RASAL2: variants seen among roughly 807,000 people sequenced by gnomAD.
RASAL2 encodes the protein RAS protein activator like 2.
Under a neutral mutation model 128.9 loss-of-function variants are expected in RASAL2, and 58 were observed. That is an observed-to-expected ratio of 0.45 (90% CI 0.36 to 0.56). The LOEUF (loss-of-function observed/expected upper bound fraction) is 0.56. RASAL2 is among the 20% of genes least tolerant of loss of function. The pLI is 0.00. For synonymous variants in RASAL2, 561 were observed against 580.8 expected (o/e 0.97, Z 0.49); for missense variants, 1,360 against 1,601.6 (o/e 0.85, Z 2.57).
intron 14 of RASAL2, among the ~76,000 whole-genome samples, chr1:178,459,260 C>T (rs1225361203): frequency 6.6e-6 from 1 of 152,014 alleles, no homozygotes; most frequent in Admixed American, 6.6e-5. Flanking sequence ...CTAATCATTT[C>T]TTCCTTAAAT....
intron 1 of RASAL2, among the ~76,000 whole-genome samples, chr1:178,122,825 ATACT>A (rs1261528626): frequency 1.9e-5 from 2 of 105,116 alleles, no homozygotes; most frequent in Admixed American, 1.2e-4. Flanking sequence ...TGAATCTGTA[ATACT>A]TACTTTCCAT....
intron 1 of RASAL2, among the ~76,000 whole-genome samples, chr1:178,275,326 G>T (rs1176274632): frequency 6.6e-6 from 1 of 152,170 alleles, no homozygotes; most frequent in Non-Finnish European, 1.5e-5. Context: ...GACTATAGAG[G>T]CATGCCCTGA....
At chr1:178,357,806 C>T (rs1185555171) in intron 3 of RASAL2, among the ~76,000 whole-genome samples, 1 of 152,050 alleles carries the variant, frequency 6.6e-6, no homozygotes, top group Non-Finnish European at 1.5e-5. Flanking sequence ...TTACTCATAT[C>T]TCTCCATATT....
chr1:178,372,353 C>T (rs1571949363), intron 3 of RASAL2: 3 of 985,226 alleles, frequency 3.0e-6, no homozygotes, highest in Non-Finnish European at 3.6e-6. Flanking sequence ...TCTTTTAACC[C>T]TTTATTGTCT....
rs747104256 is a variant in RASAL2 at position 178,454,445 on chromosome 1, A to G, written c.2010-2A>G. 6.2e-7 allele frequency: 1 copy of G among 1,600,960 alleles called. No homozygotes were observed. On this transcript the variant is annotated splice_acceptor_variant, in intron 11 of 17. Transcript: ENST00000367649. LOFTEE classifies it high-confidence loss of function. ...TTCTCATTTTCTCATCCTCTACTTC[A>G]GGTTTGGTAACAAAGAGGAATACAT... is the stretch of plus-strand genomic sequence containing the variant.
intron 1 of RASAL2, among the ~76,000 whole-genome samples, chr1:178,161,132 TTAAA>T (rs1661276539): frequency 6.6e-6 from 1 of 152,028 alleles, no homozygotes; most frequent in African/African-American, 2.4e-5. Context: ...AAGGATATAG[TTAAA>T]TACAGTACTT....
At chr1:178,207,891 T>A (rs924305057) in intron 1 of RASAL2, among the ~76,000 whole-genome samples, 1 of 152,158 alleles carries the variant, frequency 6.6e-6, no homozygotes, top group Admixed American at 6.5e-5. Flanking sequence ...CACATTTTAG[T>A]CAAATCATGT....
rs199958161 is a variant in RASAL2, at chr1:178,412,974, CTTTCTTTCTT to C, written c.565-7525_565-7516del. 9.2e-5 allele frequency among the ~76,000 whole-genome samples: 14 copies of C among 151,948 alleles called. No individual in the cohort carries two copies. The East Asian group carries it at 1.9e-3, about 21-fold the overall frequency. On this transcript the variant is annotated intron_variant, in intron 4 of 17. Transcript: ENST00000367649. ...TCTTTCTCTTTCTTTTTCTTTCTTT[CTTTCTTTCTT>C]TTTCTTTCTTTCTCTTTCTTTCTTT...
Position 178,476,506 on chromosome 1 carries a change from C to T in RASAL2, c.*3267C>T, listed in dbSNP as rs978751170. 2 of 152,082 alleles carry T rather than the reference C, an allele frequency of 1.3e-5. No homozygotes were observed. The highest frequency in any genetic ancestry group is 2.4e-5 in the African/African-American group (1 of 41,400). 9.4% of individuals were successfully genotyped at this position (152,082 alleles called of 1,614,324 possible). A position where few individuals can be genotyped will look rare whatever the true frequency, so the allele number is the denominator to read the frequency against. The stretch of plus-strand genomic sequence containing the variant: ...ACTGTTGGGGTTTATGGCAGTCTAA[C>T]GGTAAGAAAAATGTGGTAAAATGAG... On this transcript the variant is annotated 3_prime_UTR_variant, in exon 18 of 18. Transcript: ENST00000367649.
At chr1:178,414,539 C>T (rs1268317691) in intron 4 of RASAL2, among the ~76,000 whole-genome samples, 1 of 151,990 alleles carries the variant, frequency 6.6e-6, no homozygotes, top group African/African-American at 2.4e-5. Context: ...GTGGGAGTGG[C>T]TATGCATGTG....
chr1:178,271,979 C>T (rs1413341486), intron 1 of RASAL2, among the ~76,000 whole-genome samples: 1 of 152,200 alleles, frequency 6.6e-6, no homozygotes, highest in Non-Finnish European at 1.5e-5. Flanking sequence ...TAATACATTT[C>T]CCTTCACCAC....
intron 4 of RASAL2, among the ~76,000 whole-genome samples, chr1:178,403,015 C>T (rs998864034): frequency 7.2e-5 from 11 of 152,012 alleles, no homozygotes; most frequent in Admixed American, 7.2e-4. Flanking sequence ...TCCTTAAAGC[C>T]ATCATCCTCA....
intron 1 of RASAL2, among the ~76,000 whole-genome samples, chr1:178,144,477 A>C (rs758522208): frequency 2.0e-5 from 3 of 152,216 alleles, no homozygotes; most frequent in Non-Finnish European, 4.4e-5. Context: ...AGCTTTATGA[A>C]AGAATAATTT....
intron 1 of RASAL2, among the ~76,000 whole-genome samples, chr1:178,235,468 GAGTTTA>G (rs1174038754): frequency 6.6e-6 from 1 of 152,142 alleles, no homozygotes; most frequent in East Asian, 1.9e-4. Context: ...AGCACATACA[GAGTTTA>G]AGTTTAAGGT....
At chr1:178,271,715 C>T (rs555980105) in intron 1 of RASAL2, among the ~76,000 whole-genome samples, 15 of 152,310 alleles carry the variant, frequency 9.8e-5, no homozygotes, top group African/African-American at 3.4e-4. Context: ...TGCAAATCAG[C>T]GGTGTCATTC....
intron 1 of RASAL2, among the ~76,000 whole-genome samples, chr1:178,205,081 T>C (rs1662994233): frequency 6.6e-6 from 1 of 152,198 alleles, no homozygotes; most frequent in African/African-American, 2.4e-5. Flanking sequence ...CTTGGCTCAG[T>C]GCAACCTCCA....
intron 1 of RASAL2, among the ~76,000 whole-genome samples, chr1:178,213,744 G>A (rs1663332818): frequency 6.6e-6 from 1 of 151,612 alleles, no homozygotes; most frequent in Non-Finnish European, 1.5e-5. Context: ...AGGTTCTTGG[G>A]GGAGTGGGGG....
chr1:178,436,087 T>G lies in RASAL2; in HGVS notation c.675-3335T>G, dbSNP rs922917735. On this transcript the variant is annotated intron_variant, in intron 5 of 17. Transcript: ENST00000367649. ...AACATGAATTAGAGGAAACTTGGGGTTACTAATGCTATTACATTGAAATAT... is the reference window on the plus strand; with the variant it reads ...AACATGAATTAGAGGAAACTTGGGGGTACTAATGCTATTACATTGAAATAT... Among the ~76,000 whole-genome samples, 43 of 152,082 alleles carry G rather than the reference T, an allele frequency of 2.8e-4. 1 individual carries two copies. The highest frequency in any genetic ancestry group is 3.4e-4 in the Non-Finnish European group (23 of 67,956).
At chr1:178,450,226 C>T (rs568101114) in intron 9 of RASAL2, among the ~76,000 whole-genome samples, 78 of 152,124 alleles carry the variant, frequency 5.1e-4, no homozygotes, top group African/African-American at 1.8e-3. Context: ...AGCCAGGTAC[C>T]ATATTAGATG....
Sources: allele counts gnomAD v4.1 joint callset (sites outside exome capture counted in the v4.1 genomes callset), GRCh38; gene constraint gnomAD v4.1.1; transcripts MANE v1.5; gene names NCBI Gene and HGNC (gene_info 2026-07-23, HGNC 2026-07-21).